Variants in ITGA1 observed in about 807,000 individuals in gnomAD.
The protein encoded by ITGA1 is integrin alpha-1.
A neutral mutation model predicts 145.9 loss-of-function variants in ITGA1; 85 were observed. The observed-to-expected ratio is 0.58, with a 90% confidence interval of 0.49 to 0.70. The LOEUF is 0.70. Among genes scored for constraint, ITGA1 ranks in the 30% least tolerant of loss-of-function variants. The pLI, the probability that ITGA1 is intolerant of heterozygous loss-of-function variation, is 0.00. For missense variants in ITGA1, 1,351 were observed against 1,418.7 expected, an observed-to-expected ratio of 0.95 and a Z score of 0.77; for synonymous variants, 520 against 495.3, an observed-to-expected ratio of 1.05 and a Z score of -0.66.
intron 6 of ITGA1, among the ~76,000 whole-genome samples, chr5:52,867,572 C>T (rs1322470601): frequency 2.0e-5 from 3 of 152,058 alleles, no homozygotes; most frequent in Admixed American, 2.0e-4. Context: ...CTTGCTCTTC[C>T]TTCTGGCACC....
rs1192418843 is a variant in ITGA1 at position 52,835,979 on chromosome 5, T to A, written c.62-13386T>A. ...GTAGAAACACCTTGGCATTTCTTTCTTCCATCTTTATATTTTCTTGATATC... is the reference window on the plus strand; with the variant it reads ...GTAGAAACACCTTGGCATTTCTTTCATCCATCTTTATATTTTCTTGATATC... On this transcript the variant is annotated intron_variant, in intron 1 of 28. Transcript: ENST00000282588. Among the ~76,000 whole-genome samples, 3 of 152,224 alleles carry A rather than the reference T, an allele frequency of 2.0e-5. No homozygotes were observed. The East Asian group carries it at 5.8e-4, about 29-fold the overall frequency.
chr5:52,882,089 G>A, intron 7 of ITGA1, 68 bp downstream of exon 7: 2 of 1,334,826 alleles, frequency 1.5e-6, no homozygotes, highest in Admixed American at 2.8e-5. Context: ...TTAGCCTTTT[G>A]GCATATCAAT....
In ITGA1 at chr5:52,957,398, G is replaced by A. The variant is rs1428751649; in HGVS notation, c.*4947G>A. On this transcript the variant is annotated 3_prime_UTR_variant, in exon 29 of 29. Coordinates refer to ENST00000282588, the MANE Select transcript of ITGA1 (RefSeq NM_181501.2). ...TTTACCATACCAAAAAATATGTAAG[G>A]GTGACTCATCACTCCTAACTTTGGA... The A allele has an allele frequency of 6.6e-6, 1 of 152,118 alleles. No homozygotes were observed. The highest frequency in any genetic ancestry group is 2.4e-5 in the African/African-American group (1 of 41,394). The allele number at this position is 152,118 out of a possible 1,614,324, so 9.4% of individuals were successfully genotyped here. A position where few individuals can be genotyped will look rare whatever the true frequency, so the allele number is the denominator to read the frequency against.
intron 14 of ITGA1, among the ~76,000 whole-genome samples, chr5:52,912,434 T>C (rs955675953): frequency 2.4e-4 from 35 of 146,182 alleles, no homozygotes; most frequent in African/African-American, 8.2e-4. Flanking sequence ...CTATAGGTAT[T>C]ATATATAGTG....
In ITGA1 at chr5:52,933,896, C is replaced by T; in HGVS notation, c.2864C>T (p.Ser955Phe). ...TTTCTTCTAATTAATTTTTTAAGCTCTGCAAGTGAATACCACATTTCAATT... is the reference window on the plus strand; with the variant it reads ...TTTCTTCTAATTAATTTTTTAAGCTTTGCAAGTGAATACCACATTTCAATT... ...KYEVGLQFYSSASEYHISIAA... is the reference protein window; with the variant it reads ...KYEVGLQFYSFASEYHISIAA... The change falls in exon 23 of 29, where the codon TCT (serine) becomes TTT (phenylalanine). Residue 955 changes from serine to phenylalanine, a missense_variant and splice_region_variant. Ser to Phe is a radical substitution (Grantham distance 155). Coordinates refer to ENST00000282588, the MANE Select transcript of ITGA1 (RefSeq NM_181501.2). The T allele has an allele frequency of 6.8e-7, 1 of 1,470,352 alleles. No homozygotes were observed. The highest frequency in any genetic ancestry group is 1.4e-5 in the South Asian group (1 of 71,200). The allele number at this position is 1,470,352 out of a possible 1,614,324, so 91.1% of individuals were successfully genotyped here.
Position 52,861,579 on chromosome 5 carries a change from T to G in ITGA1, c.295+20T>G. 3 of 1,544,338 alleles carry G rather than the reference T, an allele frequency of 1.9e-6. No homozygotes were observed. Among genetic ancestry groups the G allele is most frequent in the Non-Finnish European group, 2.7e-6 (3 of 1,117,370 alleles). The stretch of plus-strand genomic sequence containing the variant: ...TACCAGGTATGTAAAATTAAAAAAA[T>G]CTGGTTTTAGGCCAGGTGCGGTGAG... On this transcript the variant is annotated intron_variant, in intron 3 of 28. Coordinates refer to ENST00000282588, the MANE Select transcript of ITGA1 (RefSeq NM_181501.2).
chr5:52,791,956 G>A (rs1007202963), intron 1 of ITGA1, among the ~76,000 whole-genome samples: 2 of 152,124 alleles, frequency 1.3e-5, no homozygotes, highest in African/African-American at 4.8e-5. Context: ...GCTGCCTAAA[G>A]ATAAGTTCAT....
At chr5:52,905,506 A>T (rs1045300143) in intron 11 of ITGA1, 1 of 274,118 alleles carries the variant, frequency 3.6e-6, no homozygotes, top group Non-Finnish European at 6.8e-6. Context: ...CATCATTGTT[A>T]TATCATTTGT....
intron 15 of ITGA1, among the ~76,000 whole-genome samples, 183 bp from the exon 16 acceptor site, chr5:52,918,549 A>G (rs574095287): frequency 2.0e-5 from 3 of 152,192 alleles, no homozygotes; most frequent in South Asian, 2.1e-4. Context: ...AATATAACCT[A>G]CATGTCTTAG....
intron 7 of ITGA1, among the ~76,000 whole-genome samples, chr5:52,884,180 G>A (rs2456201): frequency 0.22 from 33,512 of 151,774 alleles, 3,984 homozygotes; most frequent in African/African-American, 0.3. Flanking sequence ...GCAGTGGCTC[G>A]TGCCTGTAAT....
At chr5:52,802,128 A>G (rs1197796144) in intron 1 of ITGA1, 9 of 308,664 alleles carry the variant, frequency 2.9e-5, no homozygotes, top group Non-Finnish European at 4.8e-5. Flanking sequence ...GTGTATTTAA[A>G]GACGATGCCT....
At chr5:52,891,871 G>A (rs1341942451) in intron 8 of ITGA1, among the ~76,000 whole-genome samples, 1 of 151,642 alleles carries the variant, frequency 6.6e-6, no homozygotes, top group Non-Finnish European at 1.5e-5. Context: ...TTTTAAAAAT[G>A]TTTTCATTAT....
chr5:52,944,746 G>A (rs1751108778), intron 26 of ITGA1, among the ~76,000 whole-genome samples, 197 bp from the exon 27 acceptor site: 1 of 152,048 alleles, frequency 6.6e-6, no homozygotes. Context: ...ATCTAAGTAA[G>A]GATTTTCAGT....
At chr5:52,809,049 T>C (rs971708715) in intron 1 of ITGA1, among the ~76,000 whole-genome samples, 7 of 152,206 alleles carry the variant, frequency 4.6e-5, no homozygotes, top group African/African-American at 1.7e-4. Context: ...AAGGCAGTTT[T>C]TCTCTGAGCA....
At chr5:52,880,740 T>C (rs1274547629) in intron 6 of ITGA1, among the ~76,000 whole-genome samples, 1 of 152,246 alleles carries the variant, frequency 6.6e-6, no homozygotes, top group African/African-American at 2.4e-5. Context: ...CTTACCCAAG[T>C]AATGAATCAC....
Position 52,894,006 on chromosome 5 carries a change from A to G in ITGA1, c.1090+166A>G, listed in dbSNP as rs150518251. On this transcript the variant is annotated intron_variant, in intron 9 of 28. Coordinates refer to ENST00000282588, the MANE Select transcript of ITGA1 (RefSeq NM_181501.2). ...TCTTTTATATAAATCTGCCATTAAGATGGCTGTTTCTCACAACACTGTGTC... is the reference window on the plus strand; with the variant it reads ...TCTTTTATATAAATCTGCCATTAAGGTGGCTGTTTCTCACAACACTGTGTC... 1.9e-3 allele frequency among the ~76,000 whole-genome samples: 286 copies of G among 151,586 alleles called. 3 individuals carry two copies. The highest frequency in any genetic ancestry group is 6.7e-3 in the African/African-American group (276 of 41,256).
At chr5:52,851,422 C>T (rs1457450077) in intron 2 of ITGA1, among the ~76,000 whole-genome samples, 1 of 152,110 alleles carries the variant, frequency 6.6e-6, no homozygotes, top group South Asian at 2.1e-4. Context: ...ATTCTACAGT[C>T]CCTCCTTTCA....
Position 52,925,312 on chromosome 5 carries a change from A to C in ITGA1, c.2438A>C (p.Lys813Thr). 1.2e-6 allele frequency: 2 copies of C among 1,614,088 alleles called. No homozygotes were observed. The highest frequency in any genetic ancestry group is 8.5e-7 in the Non-Finnish European group (1 of 1,179,976). Residue 813 changes from lysine (K) to threonine (T), a missense_variant, in exon 19 of 29, where the codon AAA becomes ACA. Physicochemically the swap from Lys to Thr is moderately conservative, Grantham distance 78 (BLOSUM62 -1). Coordinates refer to ENST00000282588, the MANE Select transcript of ITGA1 (RefSeq NM_181501.2). ...PFAKDCGNKEKCISDLSLHVA... is the reference protein window; with the variant it reads ...PFAKDCGNKETCISDLSLHVA... ...GCCAAAGATTGTGGAAATAAGGAAA[A>C]ATGTATCTCAGACCTCAGCCTGCAT...
rs144253652 is a variant in ITGA1 at position 52,958,536 on chromosome 5, A to T, written c.*6085A>T. 84 of 152,312 alleles carry T rather than the reference A, an allele frequency of 5.5e-4. No individual in the cohort carries two copies. Among genetic ancestry groups the T allele is most frequent in the African/African-American group, 1.8e-3 (75 of 41,568 alleles). The allele number at this position is 152,312 out of a possible 1,614,324, so 9.4% of individuals were successfully genotyped here. ...GAACCGTTTTATACAAGAGAACTCA[A>T]CATTTACTGTTTTATTTCTGATATT... On this transcript the variant is annotated 3_prime_UTR_variant, in exon 29 of 29. Coordinates refer to ENST00000282588, the MANE Select transcript of ITGA1 (RefSeq NM_181501.2).
Sources: gnomAD v4.1 joint callset for allele counts (sites outside exome capture counted in the v4.1 genomes callset) on GRCh38, gnomAD v4.1.1 for gene constraint, MANE v1.5 for transcripts, NCBI Gene and HGNC (gene_info 2026-07-23, HGNC 2026-07-21) for gene names.